HS3ST2: variants seen among roughly 807,000 people sequenced by gnomAD.
HS3ST2 encodes the protein heparan sulfate glucosamine 3-O-sulfotransferase 2.
A neutral mutation model predicts 26.3 loss-of-function variants in HS3ST2; 17 were observed. The ratio of observed to expected loss-of-function variants is 0.65; its 90% CI spans 0.44 to 0.97. HS3ST2 has a LOEUF of 0.97. Ranked by LOEUF, HS3ST2 falls within the 50% of genes least tolerant of loss-of-function variation. The probability of loss-of-function intolerance (pLI) is 0.00; values close to 1 mark genes in which losing one functional copy is unlikely to be tolerated. For missense variants in HS3ST2, 402 were observed against 501.2 expected (o/e 0.80, Z 1.89); for synonymous variants, 237 against 219.2 (o/e 1.08, Z -0.72).
At chr16:22,833,116 G>A (rs1404856112) in intron 1 of HS3ST2, among the ~76,000 whole-genome samples, 1 of 152,242 alleles carries the variant, frequency 6.6e-6, no homozygotes. Flanking sequence ...CACCAATGGT[G>A]TTGATCTGGA....
rs75765080 is a variant in HS3ST2 at position 22,874,214 on chromosome 16, G to T, written c.486-40730G>T. On this transcript the variant is annotated intron_variant, in intron 1 of 1. Transcript: ENST00000261374. ...AAAACTGTTCCTTCAACTTCTAGTT[G>T]TCAACTGAGCGTTAGGATTTCAAAT... is the stretch of plus-strand genomic sequence containing the variant. 2.7e-3 allele frequency among the ~76,000 whole-genome samples: 414 copies of T among 152,274 alleles called. 2 individuals are homozygous for T. The highest frequency in any genetic ancestry group is 8.8e-3 in the African/African-American group (367 of 41,566).
intron 1 of HS3ST2, among the ~76,000 whole-genome samples, chr16:22,816,721 C>T (rs1043011350): frequency 6.6e-5 from 10 of 152,188 alleles, no homozygotes; most frequent in Non-Finnish European, 1.5e-4. Context: ...TGAGTCAGAT[C>T]CCGGGATGGA....
chr16:22,819,563 C>A (rs896548489), intron 1 of HS3ST2, among the ~76,000 whole-genome samples: 1 of 152,128 alleles, frequency 6.6e-6, no homozygotes, highest in Non-Finnish European at 1.5e-5. Flanking sequence ...GGAAGTGTAT[C>A]TTTTCTAAAT....
At chr16:22,876,583 C>A (rs1274563054) in intron 1 of HS3ST2, among the ~76,000 whole-genome samples, 3 of 152,174 alleles carry the variant, frequency 2.0e-5, no homozygotes, top group Non-Finnish European at 4.4e-5. Flanking sequence ...GTGGAGATTC[C>A]TTAAAGAACT....
chr16:22,839,181 T>TA (rs1462354074), intron 1 of HS3ST2, among the ~76,000 whole-genome samples: 7 of 152,210 alleles, frequency 4.6e-5, no homozygotes, highest in Non-Finnish European at 1.0e-4. Context: ...GCTCGGCACA[T>TA]AAAAAGATTG....
chr16:22,835,693 C>T (rs968854516), intron 1 of HS3ST2, among the ~76,000 whole-genome samples: 6 of 152,126 alleles, frequency 3.9e-5, no homozygotes, highest in African/African-American at 1.4e-4. Flanking sequence ...AAAGGATAGC[C>T]TTGGGAGTTA....
chr16:22,863,079 T>C (rs74014354), intron 1 of HS3ST2, among the ~76,000 whole-genome samples: 9,916 of 152,286 alleles, frequency 0.065, 696 homozygotes, highest in East Asian at 0.3. Context: ...GAGGCACTAG[T>C]AATTGCAAAT....
chr16:22,871,854 G>A (rs1023662342), intron 1 of HS3ST2, among the ~76,000 whole-genome samples: 7 of 152,184 alleles, frequency 4.6e-5, no homozygotes, highest in Non-Finnish European at 8.8e-5. Flanking sequence ...GTGTGACTCC[G>A]ACGCCAATAT....
At chr16:22,875,527 C>A (rs892225204) in intron 1 of HS3ST2, among the ~76,000 whole-genome samples, 4 of 152,112 alleles carry the variant, frequency 2.6e-5, no homozygotes, top group Non-Finnish European at 5.9e-5. Flanking sequence ...ATTACAGGTG[C>A]CCGCCACCAC....
intron 1 of HS3ST2, among the ~76,000 whole-genome samples, chr16:22,836,811 AT>A (rs900984702): frequency 1.2e-4 from 18 of 151,636 alleles, no homozygotes; most frequent in Admixed American, 2.6e-4. Flanking sequence ...GCCTGGCTAA[AT>A]TTTTTTTGTT....
chr16:22,840,135 A>G (rs1233938592), intron 1 of HS3ST2, among the ~76,000 whole-genome samples: 1 of 152,252 alleles, frequency 6.6e-6, no homozygotes, highest in Admixed American at 6.5e-5. Context: ...TTTGATGGTG[A>G]CAGGCACCTG....
intron 1 of HS3ST2, among the ~76,000 whole-genome samples, chr16:22,861,549 C>T (rs184884660): frequency 3.3e-5 from 5 of 152,054 alleles, no homozygotes; most frequent in Admixed American, 1.3e-4. Context: ...CCACAGGCAT[C>T]TGAGCTGTCA....
rs1219509842 is a variant in HS3ST2, at chr16:22,817,626, C to T, written c.485+2531C>T. 2.6e-5 allele frequency among the ~76,000 whole-genome samples: 4 copies of T among 152,220 alleles called. No individual in the cohort carries two copies. The East Asian group carries it at 7.7e-4, about 29-fold the overall frequency. On this transcript the variant is annotated intron_variant, in intron 1 of 1. Transcript: ENST00000261374. ...CCCATGAGCTAGGTACGGTGGGTGA[C>T]AGGATGTTCCGCTCTCTGTCCACTG...
At chr16:22,840,383 T>A (rs1901334598) in intron 1 of HS3ST2, among the ~76,000 whole-genome samples, 5 of 151,346 alleles carry the variant, frequency 3.3e-5, no homozygotes, top group African/African-American at 9.8e-5. Flanking sequence ...AAAATAGGAA[T>A]CTTTTTTTTT....
intron 1 of HS3ST2, among the ~76,000 whole-genome samples, chr16:22,885,600 C>T (rs1023905599): frequency 5.9e-5 from 9 of 151,822 alleles, no homozygotes; most frequent in Non-Finnish European, 1.2e-4. Flanking sequence ...GGATTACAGG[C>T]GTGCGCCACC....
chr16:22,863,325 G>T (rs1003358050), intron 1 of HS3ST2, among the ~76,000 whole-genome samples: 3 of 152,194 alleles, frequency 2.0e-5, no homozygotes, highest in African/African-American at 7.2e-5. Flanking sequence ...CCACACATGT[G>T]GGTGTCCTCT....
chr16:22,854,639 CTT>C (rs35867719), intron 1 of HS3ST2: 408 of 127,278 alleles, frequency 3.2e-3, no homozygotes, highest in Middle Eastern at 8.1e-3. Flanking sequence ...GTATTAAATG[CTT>C]TTTTTTTTTT....
At chr16:22,872,028 A>C (rs868266696) in intron 1 of HS3ST2, among the ~76,000 whole-genome samples, 5 of 152,290 alleles carry the variant, frequency 3.3e-5, no homozygotes, top group Middle Eastern at 3.4e-3. Context: ...CAGTCTGTTT[A>C]TTGTTGATGG....
At chr16:22,840,101 A>ATTTGATTTGACAAAAG (rs1901330400) in intron 1 of HS3ST2, among the ~76,000 whole-genome samples, 1 of 152,262 alleles carries the variant, frequency 6.6e-6, no homozygotes, top group South Asian at 2.1e-4. Flanking sequence ...CATCTTTGAC[A>ATTTGATTTGACAAAAG]TCAAATCAAT....
Sources: allele counts gnomAD v4.1 joint callset (sites outside exome capture counted in the v4.1 genomes callset), GRCh38; gene constraint gnomAD v4.1.1; transcripts MANE v1.5; gene names NCBI Gene and HGNC (gene_info 2026-07-23, HGNC 2026-07-21).